Variants in ARNT2 observed in about 807,000 individuals in gnomAD.
ARNT2 encodes aryl hydrocarbon receptor nuclear translocator 2.
ARNT2 carries 36 observed loss-of-function variants against 91.7 expected under a neutral mutation model. The observed-to-expected ratio is 0.39, with a 90% CI of 0.30 to 0.52. The LOEUF (loss-of-function observed/expected upper bound fraction) is 0.52, where lower values mean the gene tolerates loss of function less well. Among genes scored for constraint, ARNT2 ranks in the 20% least tolerant of loss-of-function variants. The probability of loss-of-function intolerance (pLI) is 0.72; values close to 1 mark genes in which losing one functional copy is unlikely to be tolerated. For missense variants in ARNT2, 775 were observed against 939.3 expected (o/e 0.83, Z 2.29); for synonymous variants, 365 against 347.1 (o/e 1.05, Z -0.57).
intron 5 of ARNT2, among the ~76,000 whole-genome samples, chr15:80,480,830 CTCTT>C (rs1274332806): frequency 1.3e-5 from 2 of 152,030 alleles, no homozygotes; most frequent in Non-Finnish European, 1.5e-5. Context: ...TCCTCCTTCC[CTCTT>C]TCTTTCTTTC....
chr15:80,567,981 G>A (rs1191016052), intron 12 of ARNT2, among the ~76,000 whole-genome samples: 2 of 152,236 alleles, frequency 1.3e-5, no homozygotes, highest in African/African-American at 2.4e-5. Flanking sequence ...AGGGGATGGC[G>A]AGGGTGGAGT....
chr15:80,405,898 GAGAGAC>G lies in ARNT2; in HGVS notation c.31+1358_31+1363del, dbSNP rs201131187. ...AATAAAATAAAATAGAAAAGAGAGA[GAGAGAC>G]AGAGAGAGAGAGAGAGAGACCTCAA... is the stretch of plus-strand genomic sequence containing the variant. On this transcript the variant is annotated intron_variant, in intron 1 of 18. Coordinates refer to ENST00000303329, the MANE Select transcript of ARNT2 (RefSeq NM_014862.4). Among the ~76,000 whole-genome samples, 1,089 of 151,502 alleles carry G rather than the reference GAGAGAC, an allele frequency of 7.2e-3. 9 individuals are homozygous for G. Among genetic ancestry groups the G allele is most frequent in the African/African-American group, 0.025 (1,016 of 40,836 alleles).
intron 8 of ARNT2, among the ~76,000 whole-genome samples, chr15:80,542,350 T>C (rs1270262617): frequency 6.6e-6 from 1 of 152,194 alleles, no homozygotes; most frequent in Non-Finnish European, 1.5e-5. Context: ...CCCCATCAAG[T>C]CTCTTTCTAT....
intron 14 of ARNT2, among the ~76,000 whole-genome samples, 177 bp from the exon 15 acceptor site, chr15:80,576,689 G>A (rs181216552): frequency 5.9e-5 from 9 of 152,356 alleles, no homozygotes; most frequent in African/African-American, 2.2e-4. Context: ...TGCCAGGGAG[G>A]CTCCAGGGGA....
At chr15:80,586,135 A>G (rs7177543) in intron 17 of ARNT2, among the ~76,000 whole-genome samples, 6,496 of 152,198 alleles carry the variant, frequency 0.043, 449 homozygotes, top group African/African-American at 0.15. Flanking sequence ...TCTTGGAGAA[A>G]TGCAGGGAGC....
At chr15:80,438,324 T>C (rs901274435) in intron 1 of ARNT2, among the ~76,000 whole-genome samples, 6 of 152,172 alleles carry the variant, frequency 3.9e-5, no homozygotes, top group African/African-American at 9.7e-5. Flanking sequence ...TATGTCTGCA[T>C]TGGTGATGAT....
chr15:80,487,194 A>G (rs73489383), intron 5 of ARNT2, among the ~76,000 whole-genome samples: 6,698 of 152,030 alleles, frequency 0.044, 508 homozygotes, highest in African/African-American at 0.15. Context: ...CCGGGCTTCC[A>G]TCTCTCTTCG....
At chr15:80,427,496 A>G (rs1490958528) in intron 1 of ARNT2, among the ~76,000 whole-genome samples, 2 of 152,160 alleles carry the variant, frequency 1.3e-5, no homozygotes, top group Non-Finnish European at 2.9e-5. Context: ...AAAAGAAGGG[A>G]GGTTCTGCTA....
chr15:80,431,569 T>A (rs1896011792), intron 1 of ARNT2, among the ~76,000 whole-genome samples: 1 of 151,784 alleles, frequency 6.6e-6, no homozygotes, highest in African/African-American at 2.4e-5. Flanking sequence ...AGTAGGGGAG[T>A]GGGCCGGAAG....
At chr15:80,428,988 TC>T (rs1240000454) in intron 1 of ARNT2, among the ~76,000 whole-genome samples, 1 of 152,102 alleles carries the variant, frequency 6.6e-6, no homozygotes, top group Non-Finnish European at 1.5e-5. Context: ...GTATTCCAAA[TC>T]CCCCTTTAAA....
intron 8 of ARNT2, among the ~76,000 whole-genome samples, chr15:80,533,469 G>A (rs982517105): frequency 2.6e-5 from 4 of 152,124 alleles, no homozygotes; most frequent in Non-Finnish European, 5.9e-5. Flanking sequence ...ATATGGTAAT[G>A]GAAAGTTGGA....
At chr15:80,558,333 CTTTTTTTTTTT>C (rs56720700) in intron 11 of ARNT2, among the ~76,000 whole-genome samples, 1 of 103,368 alleles carries the variant, frequency 9.7e-6, no homozygotes, top group Non-Finnish European at 1.9e-5. Context: ...TACGTCTGTG[CTTTTTTTTTTT>C]TTTTTTTTTT....
chr15:80,466,993 C>T (rs1478252350), intron 3 of ARNT2, among the ~76,000 whole-genome samples: 2 of 152,172 alleles, frequency 1.3e-5, no homozygotes, highest in Non-Finnish European at 2.9e-5. Context: ...ATTTATAAAG[C>T]AAGATGGTCT....
chr15:80,553,780 A>G (rs1351492618), intron 10 of ARNT2, among the ~76,000 whole-genome samples: 4 of 152,218 alleles, frequency 2.6e-5, no homozygotes, highest in African/African-American at 9.6e-5. Context: ...TACGTTTGGG[A>G]TATGTAGATA....
At chr15:80,448,976 C>A (rs1313201253) in intron 1 of ARNT2, among the ~76,000 whole-genome samples, 1 of 152,120 alleles carries the variant, frequency 6.6e-6, no homozygotes, top group Non-Finnish European at 1.5e-5. Context: ...CAGAGTGAGA[C>A]TCCGTCTCAA....
chr15:80,484,190 A>AAG (rs1230526076), intron 5 of ARNT2, among the ~76,000 whole-genome samples: 2 of 150,134 alleles, frequency 1.3e-5, no homozygotes, highest in South Asian at 4.1e-4. Context: ...GGCAAAAAAA[A>AAG]AAAAACAACT....
intron 12 of ARNT2, among the ~76,000 whole-genome samples, chr15:80,573,316 T>C (rs1161883749): frequency 6.6e-6 from 1 of 152,242 alleles, no homozygotes; most frequent in East Asian, 1.9e-4. Flanking sequence ...ATACAGTACA[T>C]GTATATTTGT....
chr15:80,410,861 CTT>C (rs1491376079), intron 1 of ARNT2, among the ~76,000 whole-genome samples: 3 of 151,936 alleles, frequency 2.0e-5, no homozygotes, highest in Non-Finnish European at 2.9e-5. Context: ...CTCTCTCTCT[CTT>C]TCTCTTTCCC....
intron 17 of ARNT2, among the ~76,000 whole-genome samples, chr15:80,589,419 G>A (rs1439089420): frequency 2.6e-5 from 4 of 152,178 alleles, no homozygotes; most frequent in Non-Finnish European, 5.9e-5. Context: ...AGGAGGAAGG[G>A]CTGAGGGCAT....
Sources: allele counts gnomAD v4.1 joint callset (sites outside exome capture counted in the v4.1 genomes callset), GRCh38; gene constraint gnomAD v4.1.1; transcripts MANE v1.5; gene names NCBI Gene and HGNC (gene_info 2026-07-23, HGNC 2026-07-21).